The following ADAMTSL1 variants were observed in gnomAD, a reference collection of about 807,000 sequenced individuals.
ADAMTSL1 encodes the protein ADAMTS-like protein 1.
In ADAMTSL1, 126 loss-of-function variants were observed where a neutral mutation model predicts 201.8. The observed-to-expected ratio is 0.62, with a 90% CI of 0.54 to 0.72. ADAMTSL1 has a LOEUF of 0.72. Ranked by LOEUF, ADAMTSL1 falls within the 30% of genes least tolerant of loss-of-function variation. ADAMTSL1 has a pLI of 0.00. For synonymous variants in ADAMTSL1, 1,121 were observed against 903.4 expected, an observed-to-expected ratio of 1.24 and a Z score of -4.32; for missense variants, 2,679 against 2,277.8, an observed-to-expected ratio of 1.18 and a Z score of -3.59.
chr9:18,222,644 CTTT>C (rs66646766), intron 2 of ADAMTSL1, among the ~76,000 whole-genome samples: 107 of 120,136 alleles, frequency 8.9e-4, no homozygotes, highest in African/African-American at 2.6e-3. Context: ...CTCATATACT[CTTT>C]TTTTTTTTTT....
At chr9:18,267,660 G>C (rs1832171886) in intron 2 of ADAMTSL1, among the ~76,000 whole-genome samples, 1 of 150,946 alleles carries the variant, frequency 6.6e-6, no homozygotes, top group Non-Finnish European at 1.5e-5. Flanking sequence ...AAATAACTCA[G>C]TTCCCAACTC....
chr9:18,504,681 A>G (rs1421805165), intron 1 of ADAMTSL1, 148 bp from the exon 2 acceptor site: 4 of 1,148,232 alleles, frequency 3.5e-6, no homozygotes, highest in Non-Finnish European at 5.1e-6. Context: ...GCATTATGAA[A>G]TGGAAAAGAA....
chr9:18,341,060 G>C (rs1010579735), intron 2 of ADAMTSL1, among the ~76,000 whole-genome samples: 4 of 152,030 alleles, frequency 2.6e-5, no homozygotes, highest in African/African-American at 9.7e-5. Flanking sequence ...CTGTTCTTAG[G>C]GTTTGTTTCA....
chr9:18,905,022 A>AC (rs1326960520), intron 26 of ADAMTSL1, among the ~76,000 whole-genome samples: 2 of 152,034 alleles, frequency 1.3e-5, no homozygotes, highest in Admixed American at 1.3e-4. Context: ...CCCCAGCACC[A>AC]CCCCCAGTGG....
At chr9:18,066,043 C>T (rs1436702138) in intron 1 of ADAMTSL1, among the ~76,000 whole-genome samples, 1 of 150,036 alleles carries the variant, frequency 6.7e-6, no homozygotes, top group Non-Finnish European at 1.5e-5. Flanking sequence ...GACCAGTTCT[C>T]CCTTATTTAA....
intron 2 of ADAMTSL1, among the ~76,000 whole-genome samples, chr9:18,424,911 T>A (rs1437057747): frequency 6.6e-6 from 1 of 152,190 alleles, no homozygotes; most frequent in Non-Finnish European, 1.5e-5. Flanking sequence ...TTTACGTCTT[T>A]TGGTCTTCAG....
intron 1 of ADAMTSL1, among the ~76,000 whole-genome samples, chr9:18,089,792 C>T (rs540068764): frequency 6.6e-6 from 1 of 152,210 alleles, no homozygotes; most frequent in African/African-American, 2.4e-5. Context: ...ATAGAATATA[C>T]TTTCAGTCAC....
intron 21 of ADAMTSL1, among the ~76,000 whole-genome samples, chr9:18,818,483 C>A (rs1410657056): frequency 6.6e-6 from 1 of 152,184 alleles, no homozygotes; most frequent in East Asian, 1.9e-4. Flanking sequence ...CTGAAATATT[C>A]TGATAGCTTT....
chr9:18,906,675 C>G lies in ADAMTSL1; in HGVS notation c.4962-17C>G. ...CCCACAGAAGCAAACCTTAACCCTG[C>G]CACCATCCTCCTGCAGGCCTGTGAG... On this transcript the variant is annotated splice_polypyrimidine_tract_variant and intron_variant, in intron 27 of 28. Transcript: ENST00000380548. The G allele has an allele frequency of 6.5e-7, 1 of 1,550,122 alleles. No individual in the cohort carries two copies.
At chr9:18,221,961 G>C (rs2132363121) in intron 2 of ADAMTSL1, among the ~76,000 whole-genome samples, 1 of 151,988 alleles carries the variant, frequency 6.6e-6, no homozygotes, top group South Asian at 2.1e-4. Context: ...TTATATTTCA[G>C]ACTCTATTAT....
At chr9:18,368,195 G>T (rs953077783) in intron 2 of ADAMTSL1, among the ~76,000 whole-genome samples, 2 of 152,042 alleles carry the variant, frequency 1.3e-5, no homozygotes, top group African/African-American at 4.8e-5. Flanking sequence ...GATTACAGGC[G>T]TGAGCCACCG....
intron 1 of ADAMTSL1, among the ~76,000 whole-genome samples, chr9:17,978,872 A>T (rs1818566615): frequency 6.6e-6 from 1 of 151,502 alleles, no homozygotes; most frequent in South Asian, 2.1e-4. Flanking sequence ...GTGACAATAA[A>T]CTCCTTCAGT....
intron 4 of ADAMTSL1, among the ~76,000 whole-genome samples, chr9:18,615,234 C>A (rs1825622677): frequency 6.6e-6 from 1 of 152,066 alleles, no homozygotes; most frequent in Non-Finnish European, 1.5e-5. Flanking sequence ...AAAAAACAAA[C>A]AAACAAAAAA....
At chr9:18,572,256 G>A (rs1822372789) in intron 3 of ADAMTSL1, among the ~76,000 whole-genome samples, 1 of 151,844 alleles carries the variant, frequency 6.6e-6, no homozygotes, top group Non-Finnish European at 1.5e-5. Context: ...ATTTACCTGT[G>A]TTGTAATTCA....
intron 2 of ADAMTSL1, among the ~76,000 whole-genome samples, chr9:18,194,729 G>T (rs1018052855): frequency 6.6e-6 from 1 of 152,044 alleles, no homozygotes; most frequent in African/African-American, 2.4e-5. Flanking sequence ...AACCAAAATG[G>T]CAGAGGAGAA....
chr9:18,680,283 T>G, intron 10 of ADAMTSL1, 29 bp from the exon 11 acceptor site: 1 of 1,607,594 alleles, frequency 6.2e-7, no homozygotes, highest in Non-Finnish European at 8.5e-7. Context: ...TGTGCATGTC[T>G]GCCCTGATGA....
At chr9:18,712,963 G>A (rs866215009) in intron 14 of ADAMTSL1, among the ~76,000 whole-genome samples, 2 of 151,154 alleles carry the variant, frequency 1.3e-5, no homozygotes, top group Admixed American at 6.6e-5. Flanking sequence ...TTAAAGAAAA[G>A]AATTTTCAAC....
At chr9:18,550,578 A>G (rs988380366) in intron 3 of ADAMTSL1, among the ~76,000 whole-genome samples, 3 of 151,836 alleles carry the variant, frequency 2.0e-5, no homozygotes, top group African/African-American at 4.8e-5. Flanking sequence ...AACAACCTCA[A>G]TGCATTTGGA....
intron 25 of ADAMTSL1, among the ~76,000 whole-genome samples, chr9:18,891,228 T>C (rs1397371693): frequency 6.6e-6 from 1 of 152,152 alleles, no homozygotes; most frequent in Non-Finnish European, 1.5e-5. Flanking sequence ...CTGCCAGGCA[T>C]TTGGAACACT....
Sources: allele counts gnomAD v4.1 joint callset (sites outside exome capture counted in the v4.1 genomes callset), GRCh38; gene constraint gnomAD v4.1.1; transcripts MANE v1.5; gene names NCBI Gene and HGNC (gene_info 2026-07-23, HGNC 2026-07-21).